DGKB: variants seen among roughly 807,000 people sequenced by gnomAD.
DGKB encodes the protein 90 kDa diacylglycerol kinase.
A neutral mutation model predicts 114.3 loss-of-function variants in DGKB; 67 were observed. The ratio of observed to expected loss-of-function variants is 0.59; its 90% CI spans 0.48 to 0.72. The LOEUF (loss-of-function observed/expected upper bound fraction) is 0.72. Among genes scored for constraint, DGKB ranks in the 30% least tolerant of loss-of-function variants. The pLI is 0.00. For synonymous variants in DGKB, 398 were observed against 323.1 expected (o/e 1.23, Z -2.49); for missense variants, 907 against 975.2 (o/e 0.93, Z 0.93).
intron 1 of DGKB, among the ~76,000 whole-genome samples, chr7:14,853,153 G>A (rs1450432895): frequency 6.6e-6 from 1 of 152,020 alleles, no homozygotes; most frequent in East Asian, 1.9e-4. Context: ...TGAAGCACGC[G>A]AGGGACTTTT....
chr7:14,530,108 A>T (rs963176081), intron 20 of DGKB, among the ~76,000 whole-genome samples: 2 of 151,648 alleles, frequency 1.3e-5, no homozygotes, highest in Admixed American at 6.6e-5. Context: ...TTTACATCAA[A>T]ATGTCAATAA....
rs56269565 is a variant in DGKB at position 14,853,867 on chromosome 7, CAAAAAAAAAA to C, written c.-187-12427_-187-12418del. ...TGGGCGACAGACCGAGACTCCGTCT[CAAAAAAAAAA>C]AAAAAAAAAAAAAAAATTTATCATA... On this transcript the variant is annotated intron_variant, in intron 1 of 25. Transcript: ENST00000402815. 1.8e-3 allele frequency among the ~76,000 whole-genome samples: 188 copies of C among 104,006 alleles called. 2 individuals carry two copies. The highest frequency in any genetic ancestry group is 5.7e-3 in the African/African-American group (161 of 28,400). 68.2% of individuals were successfully genotyped at this position (104,006 alleles called of 152,430 possible). A position where few individuals can be genotyped will look rare whatever the true frequency, so the allele number is the denominator to read the frequency against.
chr7:14,284,539 C>G (rs550355176), intron 23 of DGKB, among the ~76,000 whole-genome samples: 1 of 143,686 alleles, frequency 7.0e-6, no homozygotes, highest in Admixed American at 6.7e-5. Context: ...ATAAATCATG[C>G]TGCTATAAAG....
At chr7:14,789,773 C>A (rs1018521116) in intron 2 of DGKB, among the ~76,000 whole-genome samples, 34 of 152,170 alleles carry the variant, frequency 2.2e-4, no homozygotes, top group African/African-American at 7.9e-4. Context: ...TTTATATGAA[C>A]ATATTTTCAT....
chr7:14,219,046 T>C (rs1275562416), intron 23 of DGKB, among the ~76,000 whole-genome samples: 2 of 151,996 alleles, frequency 1.3e-5, no homozygotes, highest in African/African-American at 4.8e-5. Context: ...GTGATTTCCT[T>C]CTTTCACTTA....
At chr7:14,157,220 A>G (rs1584106304) in intron 25 of DGKB, among the ~76,000 whole-genome samples, 1 of 152,258 alleles carries the variant, frequency 6.6e-6, no homozygotes, top group Middle Eastern at 3.4e-3. Context: ...CTGGAATAAG[A>G]TTGTCTCCTT....
intron 23 of DGKB, among the ~76,000 whole-genome samples, chr7:14,217,701 C>A (rs1017967202): frequency 2.0e-5 from 3 of 151,926 alleles, no homozygotes; most frequent in African/African-American, 4.8e-5. Flanking sequence ...CACATATAGA[C>A]CTGTATGAAT....
At chr7:14,384,104 A>G (rs1563070397) in intron 21 of DGKB, among the ~76,000 whole-genome samples, 1 of 152,234 alleles carries the variant, frequency 6.6e-6, no homozygotes, top group African/African-American at 2.4e-5. Flanking sequence ...CATGATACCA[A>G]AATGTTAACA....
At chr7:14,607,181 T>TGTGTGA (rs1436606274) in intron 17 of DGKB, among the ~76,000 whole-genome samples, 5 of 151,536 alleles carry the variant, frequency 3.3e-5, no homozygotes, top group Admixed American at 6.6e-5. Context: ...TGTGTGTGTG[T>TGTGTGA]GAGATTAATA....
intron 23 of DGKB, among the ~76,000 whole-genome samples, chr7:14,262,469 C>T (rs890904841): frequency 2.6e-5 from 4 of 152,108 alleles, no homozygotes; most frequent in African/African-American, 4.8e-5. Context: ...GAGCACAGGT[C>T]CTCTTCAGAC....
chr7:14,787,660 C>G (rs548455381), intron 2 of DGKB, among the ~76,000 whole-genome samples: 3 of 152,182 alleles, frequency 2.0e-5, no homozygotes, highest in Admixed American at 6.5e-5. Flanking sequence ...GTCACCAGCT[C>G]TTCTCCACCC....
intron 21 of DGKB, among the ~76,000 whole-genome samples, chr7:14,401,664 C>T (rs919409285): frequency 1.3e-5 from 2 of 151,854 alleles, no homozygotes; most frequent in African/African-American, 2.4e-5. Flanking sequence ...TAACTCTAAA[C>T]ATAATCGCTT....
intron 1 of DGKB, among the ~76,000 whole-genome samples, chr7:14,964,885 T>C (rs1373744320): frequency 6.6e-6 from 1 of 152,178 alleles, no homozygotes; most frequent in Non-Finnish European, 1.5e-5. Context: ...CAACTAAGAA[T>C]GGCTTATGTG....
intron 13 of DGKB, among the ~76,000 whole-genome samples, chr7:14,654,172 T>C (rs1018593864): frequency 6.6e-6 from 1 of 151,996 alleles, no homozygotes; most frequent in Admixed American, 6.6e-5. Context: ...GACTAAGAAA[T>C]GAGTTTAATA....
chr7:14,639,909 C>G (rs1025829208), intron 13 of DGKB, among the ~76,000 whole-genome samples: 1 of 152,198 alleles, frequency 6.6e-6, no homozygotes, highest in Non-Finnish European at 1.5e-5. Context: ...ATCCATGTTA[C>G]AGTCAGAAGT....
At chr7:14,692,505 T>A (rs1221574364) in intron 9 of DGKB, among the ~76,000 whole-genome samples, 1 of 151,998 alleles carries the variant, frequency 6.6e-6, no homozygotes, top group Admixed American at 6.6e-5. Context: ...CTCCCAGTAG[T>A]CTGATTTACA....
chr7:14,658,372 C>A (rs1295858916), intron 13 of DGKB, among the ~76,000 whole-genome samples: 1 of 151,842 alleles, frequency 6.6e-6, no homozygotes, highest in Non-Finnish European at 1.5e-5. Context: ...AAGTTAATTC[C>A]ATGCGGGTAG....
chr7:14,421,259 A>C (rs2128764531), intron 21 of DGKB, among the ~76,000 whole-genome samples: 1 of 152,176 alleles, frequency 6.6e-6, no homozygotes, highest in East Asian at 1.9e-4. Flanking sequence ...TGTGTCAATA[A>C]ATCTATGCTT....
rs1364340531 is a variant in DGKB at position 14,329,967 on chromosome 7, GGAC to G, written c.2122+8545_2122+8547del. On this transcript the variant is annotated intron_variant, in intron 23 of 25. Coordinates refer to ENST00000402815, the MANE Select transcript of DGKB (RefSeq NM_001350709.2). ...TCTGCCACTATTTTCAATAGACAGA[GGAC>G]TGGACAACTGTGCCACAGAAACAAA... Among the ~76,000 whole-genome samples, 4 of 152,058 alleles carry G rather than the reference GGAC, an allele frequency of 2.6e-5. No homozygotes were observed. In the East Asian group the frequency reaches 7.7e-4, roughly 29 times the overall value.
Sources: gnomAD v4.1 joint callset for allele counts (sites outside exome capture counted in the v4.1 genomes callset) on GRCh38, gnomAD v4.1.1 for gene constraint, MANE v1.5 for transcripts, NCBI Gene and HGNC (gene_info 2026-07-23, HGNC 2026-07-21) for gene names.